RBBP8NL: variants seen among roughly 807,000 people sequenced by gnomAD.
RBBP8NL encodes RBBP8 N-terminal-like protein.
In RBBP8NL, 59 loss-of-function variants were observed where a neutral mutation model predicts 62.2. That is an observed-to-expected ratio of 0.95 (90% confidence interval 0.77 to 1.18). The LOEUF is 1.18. Ranked by LOEUF, RBBP8NL falls within the 50% of genes most tolerant of loss-of-function variation. The pLI is 0.00. For missense variants in RBBP8NL, 896 were observed against 899.5 expected (o/e 1.00, Z 0.05); for synonymous variants, 412 against 394.1 (o/e 1.05, Z -0.54).
Position 62,426,421 on chromosome 20 carries a change from C to T in RBBP8NL, c.-84+1039G>A, listed in dbSNP as rs931895642. On this transcript the variant is annotated intron_variant, in intron 1 of 13. Transcript: ENST00000252998. ...CCTGGCTGCCCCTGTGGAACACCCACTGCATAGCTAGGTTGGGCACATGCA... is the reference window on the plus strand; with the variant it reads ...CCTGGCTGCCCCTGTGGAACACCCATTGCATAGCTAGGTTGGGCACATGCA... Among the ~76,000 whole-genome samples the T allele has an allele frequency of 7.0e-4, 107 of 152,264 alleles. 1 individual carries two copies. Among genetic ancestry groups the T allele is most frequent in the African/African-American group, 2.6e-3 (107 of 41,476 alleles).
intron 2 of RBBP8NL, 36 bp downstream of exon 2, chr20:62,419,551 C>T (rs981842895): frequency 6.2e-7 from 1 of 1,601,792 alleles, no homozygotes; most frequent in Admixed American, 1.7e-5. Context: ...CTGTGGAGAC[C>T]CCTCCCTAGC....
At chr20:62,417,012 G>A (rs1051881223) in intron 4 of RBBP8NL, 140 bp from the exon 5 acceptor site, 10 of 742,526 alleles carry the variant, frequency 1.3e-5, no homozygotes, top group African/African-American at 7.1e-5. Context: ...TTCCCACCCC[G>A]TGGGCTAGGT....
At chr20:62,415,719 AGCCCCAGGGGGAGGATCCCTG>A in intron 7 of RBBP8NL, 48 bp downstream of exon 7, 1 of 1,609,042 alleles carries the variant, frequency 6.2e-7, no homozygotes, top group Non-Finnish European at 8.5e-7. Flanking sequence ...GCAGCGGCCC[AGCCCCAGGGGGAGGATCCCTG>A]GTCCTGCGGG....
rs963278304 is a variant in RBBP8NL at position 62,416,879 on chromosome 20, G to C, written c.201-7C>G. The C allele has an allele frequency of 6.5e-7, 1 of 1,546,392 alleles. No homozygotes were observed. Among genetic ancestry groups the C allele is most frequent in the Admixed American group, 1.9e-5 (1 of 51,912 alleles). On this transcript the variant is annotated splice_region_variant and splice_polypyrimidine_tract_variant and intron_variant, in intron 4 of 13. Transcript: ENST00000252998. ...GCACAGGCCGGCCCGCAGCCTGCAG[G>C]GATGGGGACGCAGGGGGTGTGAGGG... is the stretch of plus-strand genomic sequence containing the variant.
chr20:62,418,568 TCCCCTGCAC>T (rs1988632385), intron 2 of RBBP8NL, 103 bp from the exon 3 acceptor site: 1 of 1,176,100 alleles, frequency 8.5e-7, no homozygotes, highest in African/African-American at 1.5e-5. Context: ...GGCACTCCTG[TCCCCTGCAC>T]CCCCTGGGGG....
intron 3 of RBBP8NL, 79 bp from the exon 4 acceptor site, chr20:62,417,398 G>A (rs561938686): frequency 5.1e-6 from 6 of 1,185,726 alleles, no homozygotes; most frequent in East Asian, 2.6e-5. Context: ...AGCCTGGGGG[G>A]GCAGCGCGAT....
At chr20:62,417,505 A>AC (rs1272227661) in intron 3 of RBBP8NL, among the ~76,000 whole-genome samples, 186 bp from the exon 4 acceptor site, 1 of 100,592 alleles carries the variant, frequency 9.9e-6, no homozygotes, top group African/African-American at 3.5e-5. Context: ...CCGTCCACGC[A>AC]GCCCCCCCAG....
chr20:62,421,808 ATG>A (rs1320360615), intron 1 of RBBP8NL, among the ~76,000 whole-genome samples: 11 of 130,068 alleles, frequency 8.5e-5, no homozygotes, highest in Middle Eastern at 5.6e-3. Context: ...GCCAGTGTGC[ATG>A]TGTGTTTGCT....
Position 62,413,692 on chromosome 20 carries a change from C to G in RBBP8NL, c.1530+129G>C. 4.9e-6 allele frequency: 7 copies of G among 1,416,544 alleles called. No individual in the cohort carries two copies. The South Asian group carries it at 8.8e-5, about 18-fold the overall frequency. 87.7% of individuals were successfully genotyped at this position (1,416,544 alleles called of 1,614,324 possible). A position where few individuals can be genotyped will look rare whatever the true frequency, so the allele number is the denominator to read the frequency against. ...CTTTATAGTGTGGATGAGGCAGCCT[C>G]GCTTTCTCCCTGGGAAACAACTTGG... On this transcript the variant is annotated intron_variant, in intron 10 of 13. Coordinates refer to ENST00000252998, the MANE Select transcript of RBBP8NL (RefSeq NM_080833.3).
At chr20:62,419,765 A>C in intron 1 of RBBP8NL, 35 bp from the exon 2 acceptor site, 4 of 1,114,700 alleles carry the variant, frequency 3.6e-6, no homozygotes, top group Non-Finnish European at 5.3e-6. Flanking sequence ...GGATCCGCTC[A>C]GGAAGGGCTT....
chr20:62,419,482 G>T, intron 2 of RBBP8NL, 105 bp downstream of exon 2: 4 of 1,207,940 alleles, frequency 3.3e-6, no homozygotes, highest in Non-Finnish European at 4.8e-6. Context: ...TCCCTGACTT[G>T]GTGGGAATTG....
Position 62,415,818 on chromosome 20 carries a change from C to G in RBBP8NL, c.514G>C (p.Asp172His). Residue 172 changes from aspartate to histidine, a missense_variant, in exon 7 of 14, where the codon GAC becomes CAC. Asp to His is a moderately conservative substitution (Grantham distance 81). Coordinates refer to ENST00000252998, the MANE Select transcript of RBBP8NL (RefSeq NM_080833.3). ...PPGGHEEAEE[D>H]HQGVGLRGEE... ...CCCCGTAGGCCCACGCCCTGGTGGT[C>G]TTCCTCAGCCTCCTCGTGGCCTCCC... The G allele has an allele frequency of 6.2e-7, 1 of 1,612,510 alleles. No individual in the cohort carries two copies. Among genetic ancestry groups the G allele is most frequent in the Non-Finnish European group, 8.5e-7 (1 of 1,179,902 alleles).
At chr20:62,422,547 CT>C (rs1988723366) in intron 1 of RBBP8NL, among the ~76,000 whole-genome samples, 1 of 123,432 alleles carries the variant, frequency 8.1e-6, no homozygotes, top group African/African-American at 3.1e-5. Flanking sequence ...GCCATGGGGC[CT>C]GGGGTGGGGA....
At chr20:62,415,418 C>T (rs1407873748) in intron 8 of RBBP8NL, 131 bp from the exon 9 acceptor site, 9 of 1,377,964 alleles carry the variant, frequency 6.5e-6, no homozygotes, top group Non-Finnish European at 8.9e-6. Context: ...GCACCCCCAC[C>T]CACGCCAAAT....
At chr20:62,417,366 C>A (rs1164518698) in intron 3 of RBBP8NL, 47 bp from the exon 4 acceptor site, 6 of 1,443,700 alleles carry the variant, frequency 4.2e-6, no homozygotes, top group Middle Eastern at 2.3e-4. Flanking sequence ...ATCCAGGAAG[C>A]CACACGCTGT....
At chr20:62,416,283 A>AAGGG in intron 5 of RBBP8NL, 47 bp from the exon 6 acceptor site, 1 of 110,674 alleles carries the variant, frequency 9.0e-6, no homozygotes, top group Non-Finnish European at 1.8e-5. Flanking sequence ...TGGGGGGGAC[A>AAGGG]GGGGCAGGGG....
intron 9 of RBBP8NL, 88 bp from the exon 10 acceptor site, chr20:62,414,644 C>A: frequency 7.3e-7 from 1 of 1,360,640 alleles, no homozygotes; most frequent in Non-Finnish European, 9.6e-7. Flanking sequence ...GACAGGCACC[C>A]ACTCCACAGG....
rs1010639813 is a variant in RBBP8NL at position 62,410,477 on chromosome 20, G to A, written c.*401C>T. On this transcript the variant is annotated 3_prime_UTR_variant, in exon 14 of 14. Transcript: ENST00000252998. ...CAGTGCACAGCAGGGGTAGGGCTGG[G>A]CTGGAGCCTGAGTGATCCCGCCTCC... is the stretch of plus-strand genomic sequence containing the variant. The A allele has an allele frequency of 5.0e-6, 1 of 200,980 alleles. No individual in the cohort carries two copies. The highest frequency in any genetic ancestry group is 1.0e-5 in the Non-Finnish European group (1 of 98,660). 12.4% of individuals were successfully genotyped at this position (200,980 alleles called of 1,614,324 possible).
intron 5 of RBBP8NL, 136 bp downstream of exon 5, chr20:62,416,623 TG>T: frequency 1.6e-6 from 1 of 638,346 alleles, no homozygotes; most frequent in East Asian, 2.7e-5. Flanking sequence ...GTCTGTAGAT[TG>T]GGTTGTGAGG....
Sources: gnomAD v4.1 joint callset for allele counts (sites outside exome capture counted in the v4.1 genomes callset) on GRCh38, gnomAD v4.1.1 for gene constraint, MANE v1.5 for transcripts, NCBI Gene and HGNC (gene_info 2026-07-23, HGNC 2026-07-21) for gene names.